The following PLXDC2 variants were observed in gnomAD, a reference collection of about 807,000 sequenced individuals.
The protein encoded by PLXDC2 is plexin domain containing 2.
In PLXDC2, 40 loss-of-function variants were observed where a neutral mutation model predicts 68.9. The observed-to-expected ratio is 0.58, with a 90% CI of 0.45 to 0.76. The LOEUF (loss-of-function observed/expected upper bound fraction) is 0.76. Ranked by LOEUF, PLXDC2 falls within the 30% of genes least tolerant of loss-of-function variation. The pLI is 0.00. For missense variants in PLXDC2, 644 were observed against 661.9 expected (o/e 0.97, Z 0.30); for synonymous variants, 243 against 234.2 (o/e 1.04, Z -0.34).
intron 9 of PLXDC2, among the ~76,000 whole-genome samples, chr10:20,191,727 A>G (rs1011684506): frequency 2.6e-5 from 4 of 152,034 alleles, no homozygotes; most frequent in Non-Finnish European, 5.9e-5. Context: ...TAATGGGTGC[A>G]GCACACCAAC....
At chr10:20,040,805 T>C (rs1285642281) in intron 2 of PLXDC2, among the ~76,000 whole-genome samples, 3 of 152,136 alleles carry the variant, frequency 2.0e-5, no homozygotes, top group African/African-American at 7.2e-5. Context: ...TTGAGGAAAA[T>C]AATGGGCTTT....
intron 2 of PLXDC2, among the ~76,000 whole-genome samples, chr10:20,044,265 CT>C (rs1170701559): frequency 3.7e-5 from 4 of 109,048 alleles, no homozygotes; most frequent in East Asian, 5.2e-4. Context: ...TTCTTTCTTT[CT>C]TTCTTTCTTT....
At chr10:20,097,770 G>A (rs1232655149) in intron 4 of PLXDC2, among the ~76,000 whole-genome samples, 1 of 151,892 alleles carries the variant, frequency 6.6e-6, no homozygotes, top group Non-Finnish European at 1.5e-5. Flanking sequence ...GCAACATCTT[G>A]CTGAAAATAT....
chr10:20,194,912 C>T (rs867035887), intron 9 of PLXDC2, among the ~76,000 whole-genome samples: 14 of 151,722 alleles, frequency 9.2e-5, no homozygotes, highest in Middle Eastern at 3.4e-3. Context: ...CCTTGCATTG[C>T]ACCTTCTACG....
chr10:20,093,536 CCAA>C (rs1420614675), intron 4 of PLXDC2, among the ~76,000 whole-genome samples: 1 of 152,014 alleles, frequency 6.6e-6, no homozygotes, highest in Admixed American at 6.6e-5. Flanking sequence ...TTATGCTCTA[CCAA>C]GTTCAGGAGA....
chr10:20,122,314 C>G (rs1833709628), intron 4 of PLXDC2, among the ~76,000 whole-genome samples: 1 of 152,062 alleles, frequency 6.6e-6, no homozygotes, highest in African/African-American at 2.4e-5. Flanking sequence ...AGTGAGTAGC[C>G]TCCGTATTGA....
intron 1 of PLXDC2, among the ~76,000 whole-genome samples, chr10:19,911,853 T>C (rs923206216): frequency 7.9e-5 from 12 of 152,376 alleles, no homozygotes; most frequent in African/African-American, 2.9e-4. Flanking sequence ...TATTTAATTC[T>C]GTGCAAATAT....
At chr10:20,119,833 A>G (rs889654764) in intron 4 of PLXDC2, among the ~76,000 whole-genome samples, 4 of 151,858 alleles carry the variant, frequency 2.6e-5, no homozygotes, top group Non-Finnish European at 4.4e-5. Flanking sequence ...TTTGTCATTT[A>G]GAATTATTGG....
At chr10:20,131,525 G>A (rs897166592) in intron 4 of PLXDC2, among the ~76,000 whole-genome samples, 8 of 151,824 alleles carry the variant, frequency 5.3e-5, no homozygotes, top group African/African-American at 1.2e-4. Flanking sequence ...TCAGCCTCCC[G>A]AGTAGCTGGA....
chr10:20,036,803 T>C (rs1333018293), intron 2 of PLXDC2, among the ~76,000 whole-genome samples: 2 of 152,130 alleles, frequency 1.3e-5, no homozygotes, highest in Admixed American at 6.6e-5. Context: ...ATGCATAGGG[T>C]CTCCAAGATT....
Position 20,182,270 on chromosome 10 carries a change from A to C in PLXDC2, c.1061+4861A>C, listed in dbSNP as rs569597920. Among the ~76,000 whole-genome samples, 8 of 151,996 alleles carry C rather than the reference A, an allele frequency of 5.3e-5. No homozygotes were observed. In the South Asian group the frequency reaches 1.7e-3, roughly 32 times the overall value. On this transcript the variant is annotated intron_variant, in intron 9 of 13. Transcript: ENST00000377252. ...CCTCCTCACCTGGTACCACCACCTTATGTAGCAACCATTGATCTTCTTCCT... is the reference window on the plus strand; with the variant it reads ...CCTCCTCACCTGGTACCACCACCTTCTGTAGCAACCATTGATCTTCTTCCT...
At chr10:19,972,940 A>C (rs1441697163) in intron 1 of PLXDC2, among the ~76,000 whole-genome samples, 1 of 152,134 alleles carries the variant, frequency 6.6e-6, no homozygotes, top group Non-Finnish European at 1.5e-5. Flanking sequence ...AAAAATATCT[A>C]AAATTGTATG....
chr10:20,008,072 A>G (rs1564655032), intron 2 of PLXDC2, among the ~76,000 whole-genome samples: 2 of 152,230 alleles, frequency 1.3e-5, no homozygotes, highest in South Asian at 2.1e-4. Flanking sequence ...ATCTTCGGCT[A>G]TCACACATAC....
At chr10:19,996,860 C>T (rs1226426221) in intron 1 of PLXDC2, among the ~76,000 whole-genome samples, 1 of 152,068 alleles carries the variant, frequency 6.6e-6, no homozygotes, top group Non-Finnish European at 1.5e-5. Flanking sequence ...GAAACTTCCC[C>T]TTATAGAACC....
chr10:19,856,598 CAG>C (rs1211226791), intron 1 of PLXDC2, among the ~76,000 whole-genome samples: 2 of 152,180 alleles, frequency 1.3e-5, no homozygotes, highest in East Asian at 3.9e-4. Flanking sequence ...AGGCTTTGTT[CAG>C]AGTTTTGATG....
intron 1 of PLXDC2, among the ~76,000 whole-genome samples, chr10:19,973,323 T>TATACATATATATGTGTATATATGTATAC (rs1455939285): frequency 2.1e-5 from 3 of 142,568 alleles, no homozygotes; most frequent in African/African-American, 7.6e-5. Context: ...CATATATATG[T>TATACATATATATGTGTATATATGTATAC]ATACATATAT....
At chr10:19,873,128 C>T (rs1001174682) in intron 1 of PLXDC2, among the ~76,000 whole-genome samples, 4 of 152,118 alleles carry the variant, frequency 2.6e-5, no homozygotes, top group African/African-American at 7.2e-5. Context: ...CTGAAGTTCA[C>T]GACCGATGTT....
rs912652172 is a variant in PLXDC2, at chr10:20,014,197, TTTCC to T, written c.324+12232_324+12235del. Among the ~76,000 whole-genome samples the T allele has an allele frequency of 5.5e-3, 681 of 122,908 alleles. 3 individuals are homozygous for T. The highest frequency in any genetic ancestry group is 0.015 in the African/African-American group (576 of 37,616). 80.6% of individuals were successfully genotyped at this position (122,908 alleles called of 152,430 possible). ...CTTCCTTCCCTCCCTCCCTCCCTTG[TTTCC>T]TTCCTTCCTTCCTTCCTTCCCTCCT... On this transcript the variant is annotated intron_variant, in intron 2 of 13. Coordinates refer to ENST00000377252, the MANE Select transcript of PLXDC2 (RefSeq NM_032812.9).
In PLXDC2 at chr10:20,177,051, A is replaced by C. The variant is rs766156156; in HGVS notation, c.936A>C (p.Ser312=). 1.2e-6 allele frequency: 2 copies of C among 1,612,174 alleles called. No individual in the cohort carries two copies. The highest frequency in any genetic ancestry group is 1.7e-6 in the Non-Finnish European group (2 of 1,178,988). ...YEYHRVELQM[S]KITNISAVEM... ...ACCACCGAGTAGAGCTACAAATGTC[A>C]AAAATTACCAACATTTCGGCTGTGG... Residue 312 remains serine (S), a synonymous_variant, in exon 8 of 14, where the codon TCA becomes TCC. Coordinates refer to ENST00000377252, the MANE Select transcript of PLXDC2 (RefSeq NM_032812.9).
Sources: gnomAD v4.1 joint callset for allele counts (sites outside exome capture counted in the v4.1 genomes callset) on GRCh38, gnomAD v4.1.1 for gene constraint, MANE v1.5 for transcripts, NCBI Gene and HGNC (gene_info 2026-07-23, HGNC 2026-07-21) for gene names.